The following BRINP3 variants were observed in gnomAD, a reference collection of about 807,000 sequenced individuals.
BRINP3 encodes BMP/retinoic acid-inducible neural-specific protein 3.
In BRINP3, 19 loss-of-function variants were observed where a neutral mutation model predicts 71.0. That is an observed-to-expected ratio of 0.27 (90% CI 0.19 to 0.39). The LOEUF is 0.39. Ranked by LOEUF, BRINP3 falls within the 10% of genes least tolerant of loss-of-function variation. The pLI is 1.00. For synonymous variants in BRINP3, 380 were observed against 337.7 expected (o/e 1.13, Z -1.37); for missense variants, 959 against 940.8 (o/e 1.02, Z -0.25).
chr1:190,198,741 T>A (rs933623124), intron 6 of BRINP3, among the ~76,000 whole-genome samples: 1 of 152,192 alleles, frequency 6.6e-6, no homozygotes, highest in Non-Finnish European at 1.5e-5. Context: ...TTATTGTTCA[T>A]ATCACTATCA....
At chr1:190,231,919 C>G (rs1277293607) in intron 5 of BRINP3, among the ~76,000 whole-genome samples, 1 of 151,832 alleles carries the variant, frequency 6.6e-6, no homozygotes, top group Non-Finnish European at 1.5e-5. Flanking sequence ...GATACAATTC[C>G]ACTTCAGGAA....
intron 2 of BRINP3, among the ~76,000 whole-genome samples, chr1:190,382,247 C>T (rs1280758412): frequency 1.3e-5 from 2 of 151,934 alleles, no homozygotes; most frequent in Admixed American, 6.6e-5. Context: ...TTTTAATTCT[C>T]TCAACTTTTC....
intron 4 of BRINP3, among the ~76,000 whole-genome samples, chr1:190,245,143 C>T (rs1571487426): frequency 2.0e-5 from 3 of 151,896 alleles, no homozygotes. Context: ...ACTGATAAAG[C>T]GCAGCACACT....
At chr1:190,254,918 A>C (rs2102831991) in intron 4 of BRINP3, among the ~76,000 whole-genome samples, 1 of 152,276 alleles carries the variant, frequency 6.6e-6, no homozygotes, top group East Asian at 1.9e-4. Flanking sequence ...TGCCATAAAT[A>C]ACTCTTATTA....
intron 2 of BRINP3, among the ~76,000 whole-genome samples, chr1:190,310,539 A>AT (rs1571711010): frequency 6.6e-6 from 1 of 151,734 alleles, no homozygotes; most frequent in African/African-American, 2.4e-5. Context: ...AATATCCAGC[A>AT]TACTGCATGC....
At chr1:190,112,839 A>C (rs1652804962) in intron 7 of BRINP3, among the ~76,000 whole-genome samples, 1 of 152,162 alleles carries the variant, frequency 6.6e-6, no homozygotes, top group Non-Finnish European at 1.5e-5. Flanking sequence ...GTACTGAAAC[A>C]TTACATTCCC....
At chr1:190,154,140 T>C in intron 7 of BRINP3, 1 of 827,790 alleles carries the variant, frequency 1.2e-6, no homozygotes, top group Non-Finnish European at 1.5e-6. Context: ...AGATGACACA[T>C]ATTCTTCTTC....
At chr1:190,263,101 A>G (rs1661337612) in intron 4 of BRINP3, among the ~76,000 whole-genome samples, 1 of 152,170 alleles carries the variant, frequency 6.6e-6, no homozygotes, top group Non-Finnish European at 1.5e-5. Context: ...TAGCTATATA[A>G]TAAAATCATT....
intron 2 of BRINP3, among the ~76,000 whole-genome samples, chr1:190,374,483 C>T (rs1670063687): frequency 6.6e-6 from 1 of 152,042 alleles, no homozygotes; most frequent in Non-Finnish European, 1.5e-5. Context: ...GAAGTGTAAA[C>T]ACTAAAAAGG....
intron 3 of BRINP3, among the ~76,000 whole-genome samples, chr1:190,275,876 G>A (rs1013406740): frequency 6.6e-6 from 1 of 150,902 alleles, no homozygotes; most frequent in Non-Finnish European, 1.5e-5. Context: ...TAACTGCCTT[G>A]TAAACAATTA....
chr1:190,300,025 G>A (rs941906531), intron 2 of BRINP3, among the ~76,000 whole-genome samples: 11 of 151,928 alleles, frequency 7.2e-5, no homozygotes, highest in Non-Finnish European at 1.2e-4. Context: ...ACAATTATGT[G>A]TCTTGTTGTT....
intron 2 of BRINP3, among the ~76,000 whole-genome samples, chr1:190,291,839 C>T (rs1663892526): frequency 6.6e-6 from 1 of 152,150 alleles, no homozygotes; most frequent in Non-Finnish European, 1.5e-5. Flanking sequence ...GAGATATCTG[C>T]ACTTCCATGT....
chr1:190,466,396 A>G (rs1414206217), intron 1 of BRINP3, among the ~76,000 whole-genome samples: 2 of 151,808 alleles, frequency 1.3e-5, no homozygotes, highest in African/African-American at 4.8e-5. Context: ...TATTTTCTAG[A>G]GAAGCATAAA....
intron 2 of BRINP3, among the ~76,000 whole-genome samples, chr1:190,318,794 T>C (rs902957583): frequency 3.3e-5 from 5 of 152,136 alleles, no homozygotes; most frequent in African/African-American, 1.2e-4. Flanking sequence ...TTCACTTATT[T>C]TGTAAAATAA....
intron 6 of BRINP3, among the ~76,000 whole-genome samples, chr1:190,177,555 C>G (rs561664390): frequency 6.6e-6 from 1 of 151,614 alleles, no homozygotes; most frequent in East Asian, 1.9e-4. Context: ...AATCTAAATG[C>G]ATTATTTAAA....
intron 7 of BRINP3, among the ~76,000 whole-genome samples, chr1:190,150,119 T>A (rs1207362052): frequency 6.6e-6 from 1 of 152,174 alleles, no homozygotes; most frequent in Non-Finnish European, 1.5e-5. Flanking sequence ...CCCTCTTGAT[T>A]TATAAAACCA....
chr1:190,326,645 T>C (rs533462299), intron 2 of BRINP3, among the ~76,000 whole-genome samples: 34 of 152,192 alleles, frequency 2.2e-4, no homozygotes, highest in Admixed American at 4.6e-4. Flanking sequence ...GGGGGCTTAT[T>C]TGAAAGATTT....
At chr1:190,454,598 T>G in intron 2 of BRINP3, 57 bp downstream of exon 2, 5 of 1,427,438 alleles carry the variant, frequency 3.5e-6, no homozygotes, top group Non-Finnish European at 4.8e-6. Flanking sequence ...GAGAAACTTA[T>G]GTATACACAA....
intron 7 of BRINP3, among the ~76,000 whole-genome samples, chr1:190,142,830 GA>G (rs71123072): frequency 0.13 from 18,625 of 145,604 alleles, 1,200 homozygotes; most frequent in African/African-American, 0.16. Context: ...TTTATTTAGG[GA>G]AAAAAAAAAA....
Sources: allele counts gnomAD v4.1 joint callset (sites outside exome capture counted in the v4.1 genomes callset), GRCh38; gene constraint gnomAD v4.1.1; transcripts MANE v1.5; gene names NCBI Gene and HGNC (gene_info 2026-07-23, HGNC 2026-07-21).